Variants in SOX5 observed in about 807,000 individuals in gnomAD.
SOX5 encodes the protein SRY-box transcription factor 5.
Under a neutral mutation model 92.0 loss-of-function variants are expected in SOX5, and 9 were observed. The observed-to-expected ratio is 0.10, with a 90% CI of 0.06 to 0.17. SOX5 has a LOEUF of 0.17. Ranked by LOEUF, SOX5 falls within the 10% of genes least tolerant of loss-of-function variation. SOX5 has a pLI of 1.00. For synonymous variants in SOX5, 344 were observed against 336.3 expected (o/e 1.02, Z -0.25); for missense variants, 642 against 944.5 (o/e 0.68, Z 4.20).
rs531002689 is a variant in SOX5 at position 24,484,757 on chromosome 12, C to A, written c.-251+77572G>T. ...CTGAAATCACTTTCCAGTGAACACT[C>A]AGGACCTTTTTCCATCAAATTATGA... On this transcript the variant is annotated intron_variant, in intron 1 of 4. Coordinates refer to the SOX5 transcript ENST00000446891. 1.2e-3 allele frequency among the ~76,000 whole-genome samples: 190 copies of A among 152,290 alleles called. 2 individuals are homozygous for A. Among genetic ancestry groups the A allele is most frequent in the African/African-American group, 3.5e-3 (144 of 41,562 alleles).
At chr12:24,218,388 A>G (rs984416188) in intron 3 of SOX5, among the ~76,000 whole-genome samples, 1 of 152,222 alleles carries the variant, frequency 6.6e-6, no homozygotes, top group African/African-American at 2.4e-5. Context: ...AAGACCATAT[A>G]TTGTATAATT....
At chr12:24,212,810 TAC>T (rs1958774732) in intron 4 of SOX5, among the ~76,000 whole-genome samples, 1 of 152,220 alleles carries the variant, frequency 6.6e-6, no homozygotes, top group African/African-American at 2.4e-5. Context: ...TCTCATTTCA[TAC>T]ATGGTAGTCA....
chr12:24,536,564 AC>A (rs1951660974), intron 1 of SOX5, among the ~76,000 whole-genome samples: 5 of 152,142 alleles, frequency 3.3e-5, no homozygotes. Flanking sequence ...ATTTTTTCAT[AC>A]AGTTTAGATA....
At chr12:23,542,097 G>A (rs1942185959) in intron 13 of SOX5, among the ~76,000 whole-genome samples, 2 of 152,188 alleles carry the variant, frequency 1.3e-5, no homozygotes, top group South Asian at 2.1e-4. Context: ...GCGGTAAAGC[G>A]AGACTCCATC....
intron 8 of SOX5, among the ~76,000 whole-genome samples, chr12:23,619,123 C>T (rs1051064261): frequency 4.6e-5 from 7 of 152,240 alleles, no homozygotes; most frequent in African/African-American, 9.6e-5. Context: ...CTGCTTCCTA[C>T]GGATTCCGCT....
intron 4 of SOX5, among the ~76,000 whole-genome samples, chr12:23,994,108 G>A (rs1304924694): frequency 6.6e-6 from 1 of 151,942 alleles, no homozygotes; most frequent in African/African-American, 2.4e-5. Context: ...GGGCAACAGA[G>A]CAAGACCTTG....
intron 4 of SOX5, among the ~76,000 whole-genome samples, chr12:24,039,400 A>T (rs540717079): frequency 6.6e-6 from 1 of 152,330 alleles, no homozygotes; most frequent in African/African-American, 2.4e-5. Context: ...TGCTAAAGTC[A>T]ACATTGATAG....
At chr12:23,866,988 A>G (rs963351647) in intron 2 of SOX5, among the ~76,000 whole-genome samples, 4 of 152,066 alleles carry the variant, frequency 2.6e-5, no homozygotes, top group East Asian at 1.9e-4. Flanking sequence ...TAATATAACC[A>G]TAAGTCCTTG....
chr12:24,357,940 C>T (rs1381078153), intron 2 of SOX5, among the ~76,000 whole-genome samples: 5 of 152,014 alleles, frequency 3.3e-5, no homozygotes, highest in African/African-American at 1.2e-4. Context: ...TTAAGACTTA[C>T]ATACTTTATT....
rs139580931 is a variant in SOX5 at position 24,064,572 on chromosome 12, A to G, written c.-2+148771T>C. Among the ~76,000 whole-genome samples the G allele has an allele frequency of 6.8e-3, 1,034 of 152,340 alleles. 4 individuals are homozygous for G. The highest frequency in any genetic ancestry group is 0.011 in the Non-Finnish European group (721 of 68,038). On this transcript the variant is annotated intron_variant, in intron 4 of 4. Transcript: ENST00000446891. ...AAGTAGTACAGAAATAAAATACAATATAATTTTTAAATAAAATTGAATCCA... is the reference window on the plus strand; with the variant it reads ...AAGTAGTACAGAAATAAAATACAATGTAATTTTTAAATAAAATTGAATCCA...
intron 3 of SOX5, among the ~76,000 whole-genome samples, chr12:23,832,387 C>T (rs1297208076): frequency 6.6e-6 from 1 of 151,954 alleles, no homozygotes; most frequent in Non-Finnish European, 1.5e-5. Context: ...TCTTGACTAC[C>T]TATCCTAAAT....
chr12:24,084,203 T>C (rs1214820898), intron 4 of SOX5, among the ~76,000 whole-genome samples: 2 of 152,076 alleles, frequency 1.3e-5, no homozygotes, highest in Admixed American at 6.6e-5. Flanking sequence ...CCAGGTGATA[T>C]TTGATCAGAG....
intron 1 of SOX5, among the ~76,000 whole-genome samples, chr12:24,373,067 G>A (rs756620742): frequency 2.2e-4 from 34 of 151,488 alleles, no homozygotes; most frequent in East Asian, 9.7e-4. Context: ...GCAGGGAGCC[G>A]AGAACGCACC....
intron 4 of SOX5, among the ~76,000 whole-genome samples, chr12:24,152,647 G>T (rs1045461998): frequency 6.6e-6 from 1 of 151,844 alleles, no homozygotes; most frequent in Non-Finnish European, 1.5e-5. Context: ...GAACACATTC[G>T]ATTTATTGTT....
intron 4 of SOX5, among the ~76,000 whole-genome samples, chr12:24,000,273 G>A (rs531068934): frequency 6.6e-5 from 10 of 151,738 alleles, no homozygotes; most frequent in Admixed American, 6.6e-4. Context: ...AAATATGTGG[G>A]TTAATATTTT....
At chr12:23,996,530 A>C (rs562666164) in intron 4 of SOX5, among the ~76,000 whole-genome samples, 1 of 152,356 alleles carries the variant, frequency 6.6e-6, no homozygotes, top group South Asian at 2.1e-4. Flanking sequence ...AGCACTATTC[A>C]TAATAGACAA....
At chr12:24,025,984 G>C (rs1954827153) in intron 4 of SOX5, among the ~76,000 whole-genome samples, 1 of 151,996 alleles carries the variant, frequency 6.6e-6, no homozygotes, top group African/African-American at 2.4e-5. Context: ...TAGATCACTG[G>C]ATTTAAAAAA....
At position 24,391,252 on chromosome 12, in the gene SOX5, C is replaced by T. The variant is rs1265777668; in HGVS notation, c.-250-22613G>A. On this transcript the variant is annotated intron_variant, in intron 1 of 4. Coordinates refer to the SOX5 transcript ENST00000446891. ...AAAAACGTTTCTTCATGTCCTTTAC[C>T]CACTTTTAAAAGGAGTTACTGGTTT... Among the ~76,000 whole-genome samples the T allele has an allele frequency of 2.6e-5, 4 of 152,014 alleles. 1 individual carries two copies. The highest frequency in any genetic ancestry group is 5.9e-5 in the Non-Finnish European group (4 of 67,986).
chr12:24,506,782 G>GTTTTTTTTTTTTTT lies in SOX5; in HGVS notation c.-251+55546_-251+55547insAAAAAAAAAAAAAA, dbSNP rs1386116375. Among the ~76,000 whole-genome samples the GTTTTTTTTTTTTTT allele has an allele frequency of 2.7e-4, 22 of 80,258 alleles. 1 individual carries two copies. The highest frequency in any genetic ancestry group is 6.2e-4 in the Admixed American group (4 of 6,458). The allele number at this position is 80,258 out of a possible 152,430, so 52.7% of individuals were successfully genotyped here. ...ACCTGTATTTCATGGTATCCAAATG[G>GTTTTTTTTTTTTTT]TCTTTTTTTTTTTTTTTTTTTTTTG... is the stretch of plus-strand genomic sequence containing the variant. On this transcript the variant is annotated intron_variant, in intron 1 of 4. Transcript: ENST00000446891.
Sources: gnomAD v4.1 joint callset for allele counts (sites outside exome capture counted in the v4.1 genomes callset) on GRCh38, gnomAD v4.1.1 for gene constraint, MANE v1.5 for transcripts, NCBI Gene and HGNC (gene_info 2026-07-23, HGNC 2026-07-21) for gene names.